The following SAMD4A variants were observed in gnomAD, a reference collection of about 807,000 sequenced individuals.
SAMD4A encodes the protein sterile alpha motif domain containing 4A.
A neutral mutation model predicts 81.3 loss-of-function variants in SAMD4A; 33 were observed. The ratio of observed to expected loss-of-function variants is 0.41; its 90% CI spans 0.31 to 0.54. SAMD4A has a LOEUF of 0.54. Among genes scored for constraint, SAMD4A ranks in the 20% least tolerant of loss-of-function variants. SAMD4A has a pLI of 0.37. For missense variants in SAMD4A, 854 were observed against 951.1 expected (o/e 0.90, Z 1.34); for synonymous variants, 389 against 382.1 (o/e 1.02, Z -0.21).
intron 6 of SAMD4A, among the ~76,000 whole-genome samples, chr14:54,755,105 A>T (rs962988274): frequency 2.6e-5 from 4 of 152,182 alleles, no homozygotes; most frequent in Non-Finnish European, 4.4e-5. Flanking sequence ...ACTCATTAGG[A>T]AACTATAGCA....
chr14:54,713,435 A>G (rs11624106), intron 3 of SAMD4A, among the ~76,000 whole-genome samples: 23,653 of 152,144 alleles, frequency 0.16, 3,515 homozygotes, highest in African/African-American at 0.39. Flanking sequence ...TGAGGAAGCC[A>G]GGTGAGCAGG....
chr14:54,644,649 G>A (rs1178757218), intron 2 of SAMD4A, among the ~76,000 whole-genome samples: 2 of 152,158 alleles, frequency 1.3e-5, no homozygotes, highest in East Asian at 1.9e-4. Context: ...CCTCGGTAAG[G>A]GAAGGGTTTA....
chr14:54,719,802 T>C (rs2033674639), intron 3 of SAMD4A, among the ~76,000 whole-genome samples: 1 of 152,212 alleles, frequency 6.6e-6, no homozygotes, highest in African/African-American at 2.4e-5. Flanking sequence ...CATAAGCGGT[T>C]GTGAAAGTCC....
rs778579611 is a variant in SAMD4A at position 54,654,002 on chromosome 14, C to T, written c.197-48060C>T. ...AAGTATTTTAGAGCAACTGAGTCTT[C>T]AGTGTGTCACTTTATTGCCAAAAGA... On this transcript the variant is annotated intron_variant, in intron 2 of 12. Coordinates refer to ENST00000554335, the MANE Select transcript of SAMD4A (RefSeq NM_015589.6). 1.6e-4 allele frequency among the ~76,000 whole-genome samples: 25 copies of T among 152,210 alleles called. 1 individual carries two copies. The highest frequency in any genetic ancestry group is 3.2e-4 in the Non-Finnish European group (22 of 68,046).
chr14:54,778,177 C>A (rs1033561297), intron 11 of SAMD4A, among the ~76,000 whole-genome samples: 1 of 152,224 alleles, frequency 6.6e-6, no homozygotes, highest in African/African-American at 2.4e-5. Flanking sequence ...TCCCTTCCTG[C>A]CACTCTTTTG....
At chr14:54,614,955 C>T (rs1289874417) in intron 2 of SAMD4A, among the ~76,000 whole-genome samples, 1 of 152,172 alleles carries the variant, frequency 6.6e-6, no homozygotes, top group East Asian at 1.9e-4. Context: ...ATTCTTACTG[C>T]ACCATCTTTC....
chr14:54,668,000 G>A (rs1216068640), intron 2 of SAMD4A, among the ~76,000 whole-genome samples: 4 of 152,078 alleles, frequency 2.6e-5, no homozygotes, highest in African/African-American at 7.2e-5. Context: ...TCTCCACCCC[G>A]GCCCTCCCGC....
At chr14:54,585,443 T>A (rs554568683) in intron 2 of SAMD4A, among the ~76,000 whole-genome samples, 7 of 152,304 alleles carry the variant, frequency 4.6e-5, no homozygotes, top group East Asian at 1.9e-4. Context: ...AAAAATTTTT[T>A]AAATTTTTTT....
intron 2 of SAMD4A, among the ~76,000 whole-genome samples, chr14:54,692,667 G>A (rs758564111): frequency 1.1e-4 from 16 of 152,142 alleles, no homozygotes; most frequent in Non-Finnish European, 2.2e-4. Flanking sequence ...TGAGGGCGGC[G>A]CTGAAGATTA....
chr14:54,582,971 G>A (rs974996405), intron 2 of SAMD4A, among the ~76,000 whole-genome samples: 3 of 152,010 alleles, frequency 2.0e-5, no homozygotes, highest in African/African-American at 7.2e-5. Flanking sequence ...TTGAGACAGA[G>A]TCTCTCTTTG....
chr14:54,637,985 A>G (rs2035076854), intron 2 of SAMD4A, among the ~76,000 whole-genome samples: 1 of 152,212 alleles, frequency 6.6e-6, no homozygotes, highest in Non-Finnish European at 1.5e-5. Flanking sequence ...GGTCTCCAGC[A>G]TCAAAGTGAG....
intron 2 of SAMD4A, among the ~76,000 whole-genome samples, chr14:54,700,096 T>C (rs2036674964): frequency 6.6e-6 from 1 of 152,216 alleles, no homozygotes; most frequent in Admixed American, 6.5e-5. Flanking sequence ...CTATATTTTG[T>C]TTTTTAAAAC....
intron 2 of SAMD4A, among the ~76,000 whole-genome samples, chr14:54,615,108 T>C (rs1405390227): frequency 6.6e-6 from 1 of 152,218 alleles, no homozygotes. Flanking sequence ...ACCTGGAACC[T>C]TGGAAAGTTG....
intron 2 of SAMD4A, among the ~76,000 whole-genome samples, chr14:54,675,421 T>C (rs1384312665): frequency 1.3e-5 from 2 of 148,520 alleles, no homozygotes; most frequent in African/African-American, 4.9e-5. Context: ...GAGCAGCTTA[T>C]TTTATGACCA....
chr14:54,664,037 A>C (rs2035702178), intron 2 of SAMD4A, among the ~76,000 whole-genome samples: 1 of 152,242 alleles, frequency 6.6e-6, no homozygotes, highest in Admixed American at 6.5e-5. Context: ...TGTTGCCTTG[A>C]AAAGACTTGT....
At chr14:54,661,241 T>C (rs2035636465) in intron 2 of SAMD4A, among the ~76,000 whole-genome samples, 1 of 152,266 alleles carries the variant, frequency 6.6e-6, no homozygotes, top group South Asian at 2.1e-4. Flanking sequence ...AGGACAATGA[T>C]ATAACTTTAC....
chr14:54,764,195 G>T (rs1002869948), intron 7 of SAMD4A, among the ~76,000 whole-genome samples: 1 of 152,220 alleles, frequency 6.6e-6, no homozygotes, highest in African/African-American at 2.4e-5. Context: ...TCTTATTGCA[G>T]TGTCTTATTG....
rs2036634538 is a variant in SAMD4A at position 54,698,678 on chromosome 14, C to T, written c.197-3384C>T. The stretch of plus-strand genomic sequence containing the variant: ...TGATCCAGTAGGTGTAGTTAGCCCT[C>T]AGAGAGCAATCTGATTTCTGTGTTC... On this transcript the variant is annotated intron_variant, in intron 2 of 12. Transcript: ENST00000554335. Among the ~76,000 whole-genome samples, 5 of 152,312 alleles carry T rather than the reference C, an allele frequency of 3.3e-5. No homozygotes were observed. The South Asian group carries it at 1.0e-3, about 32-fold the overall frequency.
At chr14:54,609,503 C>T (rs2034302365) in intron 2 of SAMD4A, among the ~76,000 whole-genome samples, 1 of 152,150 alleles carries the variant, frequency 6.6e-6, no homozygotes, top group African/African-American at 2.4e-5. Flanking sequence ...TTACAGCAGC[C>T]AATTGGAAAA....
Sources: gnomAD v4.1 joint callset for allele counts (sites outside exome capture counted in the v4.1 genomes callset) on GRCh38, gnomAD v4.1.1 for gene constraint, MANE v1.5 for transcripts, NCBI Gene and HGNC (gene_info 2026-07-23, HGNC 2026-07-21) for gene names.